ASPRV1: variants seen among roughly 807,000 people sequenced by gnomAD.
ASPRV1 encodes retroviral-like aspartic protease 1.
ASPRV1 carries 7 observed loss-of-function variants against 11.0 expected under a neutral mutation model. The observed-to-expected ratio is 0.64, with a 90% CI of 0.36 to 1.20. The LOEUF is 1.20. Among genes scored for constraint, ASPRV1 ranks in the 50% most tolerant of loss-of-function variants. ASPRV1 has a pLI of 0.02. For missense variants in ASPRV1, 299 were observed against 320.0 expected (o/e 0.93, Z 0.50); for synonymous variants, 136 against 138.4 (o/e 0.98, Z 0.12).
rs1558581057 is a variant in ASPRV1 at position 69,960,963 on chromosome 2, C to T, written c.474G>A (p.Val158=). The T allele has an allele frequency of 6.2e-7, 1 of 1,614,074 alleles. No individual in the cohort carries two copies. The part of the protein sequence containing the change: ...DLDTLQPFEN[V]VKVANGAEMK... ...TTTCAGCACCATTGGCCACCTTTAC[C>T]ACATTCTCAAAGGGCTGCAGGGTGT... Residue 158 remains valine, a synonymous_variant, in exon 1 of 1, where the codon GTG becomes GTA. Coordinates refer to ENST00000320256, the MANE Select transcript of ASPRV1 (RefSeq NM_152792.4).
the ASPRV1 span, among the ~76,000 whole-genome samples, chr2:69,996,214 C>T: frequency 1.9e-5 from 1 of 53,890 alleles, no homozygotes; most frequent in African/African-American, 7.8e-5. Context: ...CCCCATCTCT[C>T]AAAAAAAAAA....
chr2:69,953,911 T>TTTG, the ASPRV1 span, among the ~76,000 whole-genome samples: 1 of 149,612 alleles, frequency 6.7e-6, no homozygotes, highest in South Asian at 2.1e-4. Context: ...TAGAGACAGG[T>TTTG]TTCACCATGT....
At chr2:70,056,567 T>A in the ASPRV1 span, 1 of 125,064 alleles carries the variant, frequency 8.0e-6, no homozygotes. Flanking sequence ...ATCGCGCCAC[T>A]TCACTCCAGC....
chr2:70,042,437 G>T, the ASPRV1 span, among the ~76,000 whole-genome samples: 1 of 152,182 alleles, frequency 6.6e-6, no homozygotes, highest in Non-Finnish European at 1.5e-5. Flanking sequence ...GGAAAGTGTG[G>T]AAAGTCCCTG....
At chr2:70,057,787 G>T in the ASPRV1 span, among the ~76,000 whole-genome samples, 1 of 150,998 alleles carries the variant, frequency 6.6e-6, no homozygotes, top group East Asian at 1.9e-4. Flanking sequence ...CCAGTAAAAC[G>T]ATTTTTTTGT....
the ASPRV1 span, among the ~76,000 whole-genome samples, chr2:69,997,460 C>T: frequency 9.1e-3 from 1,389 of 152,326 alleles, 27 homozygotes; most frequent in African/African-American, 0.032. Context: ...GCTCATCCTC[C>T]ACCACACTTG....
chr2:69,951,556 CATAT>C, the ASPRV1 span, among the ~76,000 whole-genome samples: 6 of 141,214 alleles, frequency 4.2e-5, no homozygotes, highest in East Asian at 4.2e-4. Flanking sequence ...ACATACATAT[CATAT>C]ATATATCTAT....
chr2:69,960,962 C>A lies in ASPRV1; in HGVS notation c.475G>T (p.Val159Leu), dbSNP rs147879189. ...LDTLQPFENVVKVANGAEMKI... is the reference protein window; with the variant it reads ...LDTLQPFENVLKVANGAEMKI... ...ATTTCAGCACCATTGGCCACCTTTA[C>A]CACATTCTCAAAGGGCTGCAGGGTG... is the stretch of plus-strand genomic sequence containing the variant. Residue 159 changes from valine to leucine, a missense_variant, in exon 1 of 1, where the codon GTA becomes TTA. Transcript: ENST00000320256. 1 of 1,614,098 alleles carries A rather than the reference C, an allele frequency of 6.2e-7. No homozygotes were observed. Among genetic ancestry groups the A allele is most frequent in the African/African-American group, 1.3e-5 (1 of 75,030 alleles).
the ASPRV1 span, among the ~76,000 whole-genome samples, chr2:70,054,351 G>A: frequency 1.3e-5 from 2 of 151,552 alleles, no homozygotes; most frequent in African/African-American, 2.4e-5. Flanking sequence ...ACTTTGGGAG[G>A]CCGAGGCGGG....
chr2:70,082,321 G>A, the ASPRV1 span, among the ~76,000 whole-genome samples: 11 of 152,050 alleles, frequency 7.2e-5, no homozygotes, highest in Admixed American at 7.2e-4. Flanking sequence ...GAAATCCCAG[G>A]ACTTTGGGAG....
At chr2:70,078,580 C>T in the ASPRV1 span, among the ~76,000 whole-genome samples, 1 of 152,140 alleles carries the variant, frequency 6.6e-6, no homozygotes, top group Non-Finnish European at 1.5e-5. Context: ...AATGATGTTC[C>T]TGGCAGAAAA....
At chr2:69,956,451 G>GGAAGAAGAA (rs112463800), downstream of ASPRV1, among the ~76,000 whole-genome samples, 856 of 98,032 alleles carry the variant, frequency 8.7e-3, 58 homozygotes, top group African/African-American at 0.035. Context: ...AAGGAGAAGA[G>GGAAGAAGAA]GAAGAAGAAG....
chr2:69,984,858 CTT>C, the ASPRV1 span, among the ~76,000 whole-genome samples: 109 of 120,760 alleles, frequency 9.0e-4, no homozygotes, highest in African/African-American at 2.7e-3. Context: ...TCAGGGCCAG[CTT>C]TTTTTTTTTT....
chr2:70,084,292 T>G, the ASPRV1 span, among the ~76,000 whole-genome samples: 3 of 152,222 alleles, frequency 2.0e-5, no homozygotes, highest in Non-Finnish European at 4.4e-5. Context: ...CTTGATTATA[T>G]GCAATTTAGT....
the ASPRV1 span, among the ~76,000 whole-genome samples, chr2:70,033,753 A>T: frequency 6.6e-6 from 1 of 152,206 alleles, no homozygotes; most frequent in Non-Finnish European, 1.5e-5. Context: ...AATTTCTATT[A>T]TATCTCTCTA....
At chr2:70,004,447 T>C in the ASPRV1 span, among the ~76,000 whole-genome samples, 1 of 150,726 alleles carries the variant, frequency 6.6e-6, no homozygotes, top group Non-Finnish European at 1.5e-5. Context: ...GGGGAATCGC[T>C]TGAACCTAGG....
chr2:70,036,406 T>A, the ASPRV1 span, among the ~76,000 whole-genome samples: 1 of 151,544 alleles, frequency 6.6e-6, no homozygotes, highest in Non-Finnish European at 1.5e-5. Flanking sequence ...AATACAAGTA[T>A]GAAATAATAA....
chr2:69,963,693 T>C (rs1057448292), upstream of ASPRV1, among the ~76,000 whole-genome samples: 3 of 152,108 alleles, frequency 2.0e-5, no homozygotes, highest in Non-Finnish European at 2.9e-5. Flanking sequence ...CTCATTTGAG[T>C]GGGTTTGGTG....
the ASPRV1 span, among the ~76,000 whole-genome samples, chr2:70,063,597 G>A: frequency 3.3e-5 from 5 of 152,158 alleles, no homozygotes; most frequent in African/African-American, 1.2e-4. Context: ...AAAGATAAGG[G>A]AGTTGAACCT....
Sources: gnomAD v4.1 joint callset for allele counts (sites outside exome capture counted in the v4.1 genomes callset) on GRCh38, gnomAD v4.1.1 for gene constraint, MANE v1.5 for transcripts, NCBI Gene and HGNC (gene_info 2026-07-23, HGNC 2026-07-21) for gene names.